UBAP2L: variants seen among roughly 807,000 people sequenced by gnomAD.
UBAP2L encodes ubiquitin associated protein 2 like.
In UBAP2L, 12 loss-of-function variants were observed where a neutral mutation model predicts 130.6. The observed-to-expected ratio is 0.09, with a 90% CI of 0.06 to 0.15. The LOEUF is 0.15. Ranked by LOEUF, UBAP2L falls within the 10% of genes least tolerant of loss-of-function variation. The pLI, the probability that UBAP2L is intolerant of heterozygous loss-of-function variation, is 1.00. For missense variants in UBAP2L, 965 were observed against 1,332.5 expected (o/e 0.72, Z 4.29); for synonymous variants, 503 against 524.7 (o/e 0.96, Z 0.57).
At position 154,220,977 on chromosome 1, in the gene UBAP2L, T is replaced by G; in HGVS notation, c.-41+2T>G. The G allele has an allele frequency of 5.5e-6, 1 of 180,630 alleles. No individual in the cohort carries two copies. The highest frequency in any genetic ancestry group is 1.2e-5 in the Non-Finnish European group (1 of 85,018). The allele number at this position is 180,630 out of a possible 1,614,324, so 11.2% of individuals were successfully genotyped here. A position where few individuals can be genotyped will look rare whatever the true frequency, so the allele number is the denominator to read the frequency against. On this transcript the variant is annotated splice_donor_variant, in intron 1 of 26. Transcript: ENST00000428931. LOFTEE classifies it low-confidence loss of function (5UTR_SPLICE). ...GGTGTCAGTGTGGAGGAGACTGAGG[T>G]AAAGTTGGGAGCGCAGCGGCGTTGG...
intron 17 of UBAP2L, 87 bp from the exon 18 acceptor site, chr1:154,255,596 C>T: frequency 2.0e-6 from 3 of 1,468,246 alleles, no homozygotes; most frequent in South Asian, 1.1e-5. Context: ...CATATTATGT[C>T]TTATTTCCTT....
rs1684605075 is a variant in UBAP2L at position 154,270,785 on chromosome 1, T to C, written c.*490T>C. Reference sequence around the variant, plus strand: ...TTTTTTTTTTGTTTTTTTTTTTTTTTTGTACTGTGTCCTCAAATTTAATGG... The same window carrying C: ...TTTTTTTTTTGTTTTTTTTTTTTTTCTGTACTGTGTCCTCAAATTTAATGG... On this transcript the variant is annotated 3_prime_UTR_variant, in exon 27 of 27. Coordinates refer to ENST00000428931, the MANE Select transcript of UBAP2L (RefSeq NM_014847.4). The C allele has an allele frequency of 1.5e-6, 2 of 1,306,078 alleles. No homozygotes were observed. The highest frequency in any genetic ancestry group is 2.0e-6 in the Non-Finnish European group (2 of 1,014,378). The allele number at this position is 1,306,078 out of a possible 1,614,324, so 80.9% of individuals were successfully genotyped here.
intron 25 of UBAP2L, 43 bp from the exon 26 acceptor site, chr1:154,268,714 T>G (rs759213217): frequency 4.7e-5 from 75 of 1,599,832 alleles, no homozygotes; most frequent in Non-Finnish European, 6.1e-5. Context: ...AAGACTAGTT[T>G]GCTGATCCCT....
At chr1:154,252,467 G>T (rs1678029504) in intron 14 of UBAP2L, among the ~76,000 whole-genome samples, 1 of 150,386 alleles carries the variant, frequency 6.6e-6, no homozygotes. Flanking sequence ...TTTTAGTAGA[G>T]ACAGGGTTTC....
At chr1:154,259,922 C>T (rs2274991) in intron 21 of UBAP2L, 26 bp from the exon 22 acceptor site, 2 of 1,603,880 alleles carry the variant, frequency 1.2e-6, no homozygotes. Context: ...CATTGAATCT[C>T]TGCTCTTTTT....
At chr1:154,253,253 T>G (rs186410243) in intron 14 of UBAP2L, among the ~76,000 whole-genome samples, 47 of 152,252 alleles carry the variant, frequency 3.1e-4, no homozygotes, top group African/African-American at 9.9e-4. Flanking sequence ...CTGCCCACCT[T>G]GGCTTCCCAA....
chr1:154,267,873 ATTTGGTCT>A (rs1683752068), intron 25 of UBAP2L, among the ~76,000 whole-genome samples: 9 of 40,052 alleles, frequency 2.2e-4, no homozygotes, highest in South Asian at 6.1e-4. Flanking sequence ...CCATCCTCTT[ATTTGGTCT>A]TTTTTTTTTT....
rs1054065487 is a variant in UBAP2L at position 154,239,139 on chromosome 1, T to G, written c.703+2003T>G. 4.6e-5 allele frequency among the ~76,000 whole-genome samples: 7 copies of G among 152,170 alleles called. 1 individual carries two copies. The highest frequency in any genetic ancestry group is 6.8e-3 in the Middle Eastern group (2 of 294). ...TTTCCCCTTTAAATTAAAAAAAAAA[T>G]CCAAACCTACCTTTAAAATATCCAC... On this transcript the variant is annotated intron_variant, in intron 8 of 26. Coordinates refer to ENST00000428931, the MANE Select transcript of UBAP2L (RefSeq NM_014847.4).
chr1:154,248,599 G>A (rs1489382165), intron 11 of UBAP2L, among the ~76,000 whole-genome samples: 3 of 152,074 alleles, frequency 2.0e-5, no homozygotes, highest in Admixed American at 6.6e-5. Context: ...GGTGGATCAC[G>A]AGGTCAGGAG....
intron 26 of UBAP2L, chr1:154,269,253 C>A: frequency 8.7e-7 from 1 of 1,149,174 alleles, no homozygotes; most frequent in Non-Finnish European, 1.2e-6. Flanking sequence ...TCCCTCTTTC[C>A]TCTCCCAGCC....
intron 11 of UBAP2L, among the ~76,000 whole-genome samples, chr1:154,248,794 T>C (rs1180486195): frequency 6.6e-6 from 1 of 152,132 alleles, no homozygotes; most frequent in Non-Finnish European, 1.5e-5. Context: ...CCAGCCTGGG[T>C]GACAGAGCGA....
At chr1:154,246,690 A>G (rs1675621735) in intron 11 of UBAP2L, among the ~76,000 whole-genome samples, 1 of 152,228 alleles carries the variant, frequency 6.6e-6, no homozygotes, top group Non-Finnish European at 1.5e-5. Flanking sequence ...ATACATTTTA[A>G]TCCTTTTGCA....
chr1:154,251,312 T>C lies in UBAP2L; in HGVS notation c.1485T>C (p.Thr495=). 6.2e-7 allele frequency: 1 copy of C among 1,611,442 alleles called. No homozygotes were observed. Among genetic ancestry groups the C allele is most frequent in the Non-Finnish European group, 8.5e-7 (1 of 1,179,092 alleles). The change falls in exon 13 of 27, where the codon ACT becomes ACC. Residue 495 remains threonine (T), a synonymous_variant. Transcript: ENST00000428931. Reference sequence around the variant, plus strand: ...AGCAGAAGAAAAAAGCCTCCTTGACTTCTAAGGTACTTAAACTTTTAGGTA... The same window carrying C: ...AGCAGAAGAAAAAAGCCTCCTTGACCTCTAAGGTACTTAAACTTTTAGGTA... ...LKQQKKKASL[T]SKIPALAVEM... is the part of the protein sequence containing the mutation.
At chr1:154,233,170 C>T (rs570862361) in intron 4 of UBAP2L, among the ~76,000 whole-genome samples, 6 of 152,154 alleles carry the variant, frequency 3.9e-5, no homozygotes, top group East Asian at 1.9e-4. Context: ...CCTGCCACCA[C>T]GCCCAGCTAA....
intron 4 of UBAP2L, among the ~76,000 whole-genome samples, chr1:154,232,468 G>A (rs1001916296): frequency 6.6e-6 from 1 of 152,090 alleles, no homozygotes; most frequent in Non-Finnish European, 1.5e-5. Flanking sequence ...TTTTCCTGAG[G>A]AAGAGTGTTT....
chr1:154,229,715 C>T (rs1254223141), intron 4 of UBAP2L, among the ~76,000 whole-genome samples: 1 of 152,158 alleles, frequency 6.6e-6, no homozygotes, highest in South Asian at 2.1e-4. Flanking sequence ...CTGCCCGCCT[C>T]GTCCTCCCAA....
rs548390728 is a variant in UBAP2L, at chr1:154,260,992, G to A, written c.2679G>A (p.Thr893=). 237 of 1,614,184 alleles carry A rather than the reference G, an allele frequency of 1.5e-4. 1 individual carries two copies. The South Asian group carries it at 1.8e-3, about 12-fold the overall frequency. The change falls in exon 23 of 27, where the codon ACG becomes ACA. Residue 893 remains threonine (T), a synonymous_variant. Transcript: ENST00000428931. Reference sequence around the variant, plus strand: ...ACCAGACGCAGACTCACCATACCACGCAGCAGACATTCCTGAACCCGGCGC... The same window carrying A: ...ACCAGACGCAGACTCACCATACCACACAGCAGACATTCCTGAACCCGGCGC... The part of the protein sequence containing the change: ...QQNQTQTHHT[T]QQTFLNPALP...
chr1:154,223,118 G>A (rs1297645316), intron 1 of UBAP2L, among the ~76,000 whole-genome samples: 2 of 84,608 alleles, frequency 2.4e-5, no homozygotes, highest in Non-Finnish European at 2.1e-5. Flanking sequence ...TCACTACTAG[G>A]TGGTAAAAAT....
chr1:154,246,416 C>G (rs757534026), intron 11 of UBAP2L, 41 bp downstream of exon 11: 1 of 1,584,334 alleles, frequency 6.3e-7, no homozygotes, highest in Non-Finnish European at 8.6e-7. Context: ...AACCTTCCTG[C>G]TAATCCTAGC....
Sources: allele counts gnomAD v4.1 joint callset (sites outside exome capture counted in the v4.1 genomes callset), GRCh38; gene constraint gnomAD v4.1.1; transcripts MANE v1.5; gene names NCBI Gene and HGNC (gene_info 2026-07-23, HGNC 2026-07-21).